NKAIN1: variants seen among roughly 807,000 people sequenced by gnomAD.
The protein encoded by NKAIN1 is sodium/potassium transporting ATPase interacting 1, also known as sodium/potassium-transporting ATPase subunit beta-1-interacting protein 1.
Under a neutral mutation model 31.6 loss-of-function variants are expected in NKAIN1, and 13 were observed. That is an observed-to-expected ratio of 0.41 (90% CI 0.27 to 0.65). The LOEUF is 0.65. Ranked by LOEUF, NKAIN1 falls within the 30% of genes least tolerant of loss-of-function variation. The pLI, the probability that NKAIN1 is intolerant of heterozygous loss-of-function variation, is 0.30. For synonymous variants in NKAIN1, 104 were observed against 109.0 expected (o/e 0.95, Z 0.28); for missense variants, 193 against 262.2 (o/e 0.74, Z 1.82).
chr1:31,183,436 CTTTTTT>C (rs3046278), intron 4 of NKAIN1, among the ~76,000 whole-genome samples: 23 of 106,688 alleles, frequency 2.2e-4, no homozygotes, highest in Middle Eastern at 4.5e-3. Context: ...TTCATTCCCT[CTTTTTT>C]TTTTTTTTTT....
chr1:31,216,232 C>A (rs1247455429), intron 1 of NKAIN1, among the ~76,000 whole-genome samples: 1 of 151,922 alleles, frequency 6.6e-6, no homozygotes, highest in Admixed American at 6.5e-5. Flanking sequence ...GAAGCAATTG[C>A]CGTCTGCACG....
At chr1:31,218,144 C>T (rs1438641719) in intron 1 of NKAIN1, among the ~76,000 whole-genome samples, 1 of 151,078 alleles carries the variant, frequency 6.6e-6, no homozygotes, top group Non-Finnish European at 1.5e-5. Flanking sequence ...CTCACTGCAG[C>T]CTCTGCCTCC....
rs116856989 is a variant in NKAIN1 at position 31,192,167 on chromosome 1, T to C, written c.55-3980A>G. On this transcript the variant is annotated intron_variant, in intron 1 of 6. Transcript: ENST00000373736. Reference sequence around the variant, plus strand: ...AAGGCCTCCCTGACTGGCCCACAGGTGCTGCTCTCTCCACTTGACATGGAG... The same window carrying C: ...AAGGCCTCCCTGACTGGCCCACAGGCGCTGCTCTCTCCACTTGACATGGAG... Among the ~76,000 whole-genome samples the C allele has an allele frequency of 4.2e-3, 638 of 152,290 alleles. 37 individuals carry two copies. In the East Asian group the frequency reaches 0.098, roughly 23 times the overall value.
At chr1:31,230,326 G>A (rs756916924) in intron 1 of NKAIN1, among the ~76,000 whole-genome samples, 1 of 152,130 alleles carries the variant, frequency 6.6e-6, no homozygotes, top group Non-Finnish European at 1.5e-5. Flanking sequence ...GAGAGGTTAG[G>A]TGTCTTCTTG....
chr1:31,209,973 C>G (rs1645454796), intron 1 of NKAIN1, among the ~76,000 whole-genome samples: 1 of 145,290 alleles, frequency 6.9e-6, no homozygotes, highest in Admixed American at 6.9e-5. Context: ...AGCAACAGAG[C>G]ATGACCCTGT....
intron 5 of NKAIN1, 104 bp from the exon 6 acceptor site, chr1:31,182,045 G>A: frequency 9.4e-6 from 11 of 1,166,564 alleles, no homozygotes; most frequent in Non-Finnish European, 1.4e-5. Flanking sequence ...CCCACCCTAG[G>A]AAGCGGAGCC....
chr1:31,196,378 T>C (rs1230496610), intron 1 of NKAIN1, among the ~76,000 whole-genome samples: 1 of 152,082 alleles, frequency 6.6e-6, no homozygotes, highest in East Asian at 1.9e-4. Flanking sequence ...CCAGGCGTGG[T>C]GGCGGGCGCC....
chr1:31,201,963 G>A (rs1006809790), intron 1 of NKAIN1, among the ~76,000 whole-genome samples: 14 of 152,146 alleles, frequency 9.2e-5, no homozygotes, highest in Admixed American at 8.5e-4. Flanking sequence ...CTGTCTGCAC[G>A]CCCTCCTGCT....
intron 1 of NKAIN1, among the ~76,000 whole-genome samples, chr1:31,216,388 T>C (rs1358732539): frequency 2.0e-5 from 3 of 152,190 alleles, no homozygotes; most frequent in East Asian, 3.8e-4. Context: ...AGCTAATGCT[T>C]ACCCTATGTC....
chr1:31,218,016 T>TTTTCTCTTTC (rs1645526522), intron 1 of NKAIN1, among the ~76,000 whole-genome samples: 5 of 108,212 alleles, frequency 4.6e-5, no homozygotes, highest in Non-Finnish European at 7.1e-5. Context: ...GCAGCTACCA[T>TTTTCTCTTTC]TTTCTTTCTT....
At chr1:31,214,274 G>A (rs553886033) in intron 1 of NKAIN1, among the ~76,000 whole-genome samples, 1 of 152,096 alleles carries the variant, frequency 6.6e-6, no homozygotes, top group South Asian at 2.1e-4. Flanking sequence ...CCAGAAGCTG[G>A]TGGCAAGGGG....
At chr1:31,236,332 G>A (rs1645692077) in intron 1 of NKAIN1, among the ~76,000 whole-genome samples, 1 of 152,154 alleles carries the variant, frequency 6.6e-6, no homozygotes, top group South Asian at 2.1e-4. Context: ...TCCCAACTGA[G>A]GAAGAATGTT....
intron 1 of NKAIN1, among the ~76,000 whole-genome samples, chr1:31,226,523 CTTT>C (rs35709945): frequency 0.013 from 1,756 of 132,100 alleles, 58 homozygotes; most frequent in East Asian, 0.13. Flanking sequence ...TGAAGAAAAT[CTTT>C]TTTTTTTTTT....
Position 31,195,443 on chromosome 1 carries a change from T to C in NKAIN1, c.55-7256A>G, listed in dbSNP as rs117405966. Among the ~76,000 whole-genome samples the C allele has an allele frequency of 4.2e-3, 632 of 152,042 alleles. 37 individuals are homozygous for C. In the East Asian group the frequency reaches 0.098, roughly 24 times the overall value. On this transcript the variant is annotated intron_variant, in intron 1 of 6. Coordinates refer to ENST00000373736, the MANE Select transcript of NKAIN1 (RefSeq NM_024522.3). ...GGCCTTTCTTTCTTTCTGCCTTGCCTTGCCCTGCCCTGCCCTGCCGCCGCG... is the reference window on the plus strand; with the variant it reads ...GGCCTTTCTTTCTTTCTGCCTTGCCCTGCCCTGCCCTGCCCTGCCGCCGCG...
intron 1 of NKAIN1, among the ~76,000 whole-genome samples, chr1:31,236,156 A>T (rs541987671): frequency 6.6e-6 from 1 of 152,188 alleles, no homozygotes; most frequent in Non-Finnish European, 1.5e-5. Context: ...AAAATTGCAT[A>T]GCCAGGAAGT....
intron 1 of NKAIN1, among the ~76,000 whole-genome samples, chr1:31,225,661 T>C (rs962569957): frequency 6.6e-6 from 1 of 150,528 alleles, no homozygotes; most frequent in South Asian, 2.1e-4. Flanking sequence ...CCCAGCTACA[T>C]TGTGTGAGGG....
chr1:31,213,213 G>T (rs1645484404), intron 1 of NKAIN1, among the ~76,000 whole-genome samples: 1 of 151,136 alleles, frequency 6.6e-6, no homozygotes, highest in African/African-American at 2.4e-5. Context: ...CAAAATCCAG[G>T]ATATATAAAG....
intron 1 of NKAIN1, among the ~76,000 whole-genome samples, chr1:31,231,143 C>T (rs1350726908): frequency 6.6e-6 from 1 of 152,016 alleles, no homozygotes; most frequent in Non-Finnish European, 1.5e-5. Flanking sequence ...CTCGGCCTCC[C>T]AGAGTGCTGG....
chr1:31,188,213 C>T (rs1645259713), intron 1 of NKAIN1, 26 bp from the exon 2 acceptor site: 1 of 1,549,094 alleles, frequency 6.5e-7, no homozygotes, highest in East Asian at 2.4e-5. Flanking sequence ...GCTGAGGCCA[C>T]TGTCACCCCC....
Sources: gnomAD v4.1 joint callset for allele counts (sites outside exome capture counted in the v4.1 genomes callset) on GRCh38, gnomAD v4.1.1 for gene constraint, MANE v1.5 for transcripts, NCBI Gene and HGNC (gene_info 2026-07-23, HGNC 2026-07-21) for gene names.